CDKL3: variants seen among roughly 807,000 people sequenced by gnomAD.
CDKL3 encodes cyclin dependent kinase like 3, also known as cyclin-dependent kinase-like 3.
In CDKL3, 65 loss-of-function variants were observed where a neutral mutation model predicts 69.3. The ratio of observed to expected loss-of-function variants is 0.94; its 90% CI spans 0.77 to 1.15. The LOEUF is 1.15. CDKL3 is among the 50% of genes most tolerant of loss of function. CDKL3 has a pLI of 0.00. For missense variants in CDKL3, 652 were observed against 689.2 expected (o/e 0.95, Z 0.61); for synonymous variants, 202 against 221.6 (o/e 0.91, Z 0.79).
chr5:134,326,912 T>A (rs866732652), intron 4 of CDKL3, among the ~76,000 whole-genome samples: 1 of 145,310 alleles, frequency 6.9e-6, no homozygotes, highest in Non-Finnish European at 1.5e-5. Context: ...AAGCATAAAA[T>A]GAAGATTTAT....
chr5:134,353,758 C>T (rs1049086002), intron 3 of CDKL3, among the ~76,000 whole-genome samples: 6 of 152,032 alleles, frequency 3.9e-5, no homozygotes, highest in African/African-American at 1.4e-4. Flanking sequence ...TGGGGTTTCA[C>T]CATGTTGGCC....
At position 134,353,471 on chromosome 5, in the gene CDKL3, T is replaced by C. The variant is rs140646761; in HGVS notation, c.361-3044A>G. Among the ~76,000 whole-genome samples the C allele has an allele frequency of 2.6e-5, 4 of 152,130 alleles. No homozygotes were observed. In the East Asian group the frequency reaches 5.8e-4, roughly 22 times the overall value. Reference sequence around the variant, plus strand: ...ACACAAGTCTATCAACTTGTCTCCCTGAATTCACATTCGTGCTCTCCAATT... The same window carrying C: ...ACACAAGTCTATCAACTTGTCTCCCCGAATTCACATTCGTGCTCTCCAATT... On this transcript the variant is annotated intron_variant, in intron 3 of 12. Coordinates refer to ENST00000265334, the MANE Select transcript of CDKL3 (RefSeq NM_001113575.2).
In CDKL3 at chr5:134,319,371, G is replaced by T; in HGVS notation, c.779C>A (p.Ala260Glu). The T allele has an allele frequency of 6.6e-7, 1 of 1,517,920 alleles. No individual in the cohort carries two copies. Among genetic ancestry groups the T allele is most frequent in the Non-Finnish European group, 8.8e-7 (1 of 1,137,364 alleles). The allele number at this position is 1,517,920 out of a possible 1,614,324, so 94.0% of individuals were successfully genotyped here. A position where few individuals can be genotyped will look rare whatever the true frequency, so the allele number is the denominator to read the frequency against. ...KKYPKLNGLL[A>E]DIVHACLQID... The stretch of plus-strand genomic sequence containing the variant: ...AAAAAAACATACATGAACTATATCT[G>T]CCAACAATCCATTAAGCTTTGGATA... The change falls in exon 6 of 13, where the codon GCA becomes GAA. Residue 260 changes from alanine to glutamate, a missense_variant. Ala to Glu is a moderately radical substitution (Grantham distance 107, BLOSUM62 -1). Coordinates refer to ENST00000265334, the MANE Select transcript of CDKL3 (RefSeq NM_001113575.2).
At chr5:134,332,455 T>G (rs1397141303) in intron 4 of CDKL3, among the ~76,000 whole-genome samples, 3 of 152,242 alleles carry the variant, frequency 2.0e-5, no homozygotes, top group African/African-American at 7.2e-5. Flanking sequence ...TAATCCATCT[T>G]GAGTTAATTT....
At chr5:134,297,668 G>A (rs866001738), downstream of CDKL3, among the ~76,000 whole-genome samples, 61 of 150,222 alleles carry the variant, frequency 4.1e-4, no homozygotes, top group African/African-American at 1.2e-3. Context: ...CACAACCTCC[G>A]CCTCCCGGGT....
At chr5:134,327,305 G>C (rs1774643451) in intron 4 of CDKL3, among the ~76,000 whole-genome samples, 1 of 152,140 alleles carries the variant, frequency 6.6e-6, no homozygotes, top group Non-Finnish European at 1.5e-5. Flanking sequence ...CAAGCTGAGG[G>C]GACCTCAGGT....
chr5:134,355,606 A>G (rs1020944262), intron 3 of CDKL3, among the ~76,000 whole-genome samples: 1 of 152,350 alleles, frequency 6.6e-6, no homozygotes, highest in Non-Finnish European at 1.5e-5. Flanking sequence ...TTCTTTTATA[A>G]ACAGCAATTA....
intron 6 of CDKL3, among the ~76,000 whole-genome samples, chr5:134,315,647 A>C (rs550194971): frequency 6.6e-6 from 1 of 152,308 alleles, no homozygotes; most frequent in South Asian, 2.1e-4. Flanking sequence ...GGATTCTTTA[A>C]AAAAAGAAAT....
intron 4 of CDKL3, among the ~76,000 whole-genome samples, chr5:134,346,833 T>C (rs532647909): frequency 8.6e-4 from 131 of 152,240 alleles, no homozygotes; most frequent in African/African-American, 2.8e-3. Context: ...ATAATTGCAA[T>C]GCATTGAAAC....
upstream of CDKL3, among the ~76,000 whole-genome samples, chr5:134,369,473 TC>T (rs1758106449): frequency 6.6e-6 from 1 of 152,134 alleles, no homozygotes; most frequent in South Asian, 2.1e-4. Flanking sequence ...TGCCCATAGT[TC>T]CATGGAACCA....
At chr5:134,313,190 A>G (rs1463807731) in intron 6 of CDKL3, among the ~76,000 whole-genome samples, 1 of 152,132 alleles carries the variant, frequency 6.6e-6, no homozygotes, top group Non-Finnish European at 1.5e-5. Context: ...AAAGTGCTGG[A>G]ATTACAGAAG....
At chr5:134,346,421 C>T (rs769066128) in intron 4 of CDKL3, among the ~76,000 whole-genome samples, 1 of 152,176 alleles carries the variant, frequency 6.6e-6, no homozygotes. Flanking sequence ...AAATTTGTCA[C>T]GCTTTTCTCT....
intron 3 of CDKL3, among the ~76,000 whole-genome samples, chr5:134,355,160 G>A (rs1351803512): frequency 6.6e-6 from 1 of 150,910 alleles, no homozygotes; most frequent in Non-Finnish European, 1.5e-5. Context: ...TTGAACCTGG[G>A]AGGCGGAGGT....
At position 134,308,361 on chromosome 5, in the gene CDKL3, C is replaced by T; in HGVS notation, c.1141G>A (p.Gly381Arg). The T allele has an allele frequency of 6.2e-7, 1 of 1,613,774 alleles. No individual in the cohort carries two copies. Among genetic ancestry groups the T allele is most frequent in the East Asian group, 2.2e-5 (1 of 44,868 alleles). The change falls in exon 9 of 13, where the codon GGA becomes AGA. Residue 381 changes from glycine (G) to arginine (R), a missense_variant. Gly to Arg is a moderately radical substitution (Grantham distance 125). Transcript: ENST00000265334. Reference protein sequence around the residue: ...SEPKKKEYEGGLGQQDANENV... With the variant: ...SEPKKKEYEGRLGQQDANENV... ...TCATTTGCATCCTGTTGACCAAGTC[C>T]ACCTTCATACTCTTTCTTTTTTGGT...
At chr5:134,299,966 T>A (rs953714559) in intron 12 of CDKL3, among the ~76,000 whole-genome samples, 1 of 152,178 alleles carries the variant, frequency 6.6e-6, no homozygotes, top group African/African-American at 2.4e-5. Flanking sequence ...ACTCACTCAT[T>A]CCCAGTAATT....
chr5:134,367,231 G>A (rs2149680277), upstream of CDKL3: 4 of 985,428 alleles, frequency 4.1e-6, no homozygotes, highest in South Asian at 4.7e-5. Flanking sequence ...GAAGTGGGAA[G>A]AAACGGAAAC....
chr5:134,318,534 G>A (rs1474222467), intron 6 of CDKL3, among the ~76,000 whole-genome samples: 1 of 152,058 alleles, frequency 6.6e-6, no homozygotes, highest in Non-Finnish European at 1.5e-5. Flanking sequence ...CACCCACGCT[G>A]GAGTACAATG....
At chr5:134,303,919 C>T (rs1045063927) in intron 11 of CDKL3, among the ~76,000 whole-genome samples, 13 of 150,104 alleles carry the variant, frequency 8.7e-5, no homozygotes, top group Admixed American at 7.4e-4. Context: ...CTTTATTTTT[C>T]TTTTTAATTA....
chr5:134,304,942 G>T (rs1767382774), intron 10 of CDKL3, among the ~76,000 whole-genome samples: 1 of 150,886 alleles, frequency 6.6e-6, no homozygotes, highest in African/African-American at 2.4e-5. Context: ...TAAGTAACTG[G>T]GACTACAGGC....
Sources: allele counts gnomAD v4.1 joint callset (sites outside exome capture counted in the v4.1 genomes callset), GRCh38; gene constraint gnomAD v4.1.1; transcripts MANE v1.5; gene names NCBI Gene and HGNC (gene_info 2026-07-23, HGNC 2026-07-21).